The following ITPR1 variants were observed in gnomAD, a reference collection of about 807,000 sequenced individuals.
The protein encoded by ITPR1 is inositol 1,4,5-trisphosphate receptor type 1, also known as inositol 1,4,5-trisphosphate-gated calcium channel ITPR1.
ITPR1 carries 96 observed loss-of-function variants against 318.4 expected under a neutral mutation model. The observed-to-expected ratio is 0.30, with a 90% CI of 0.26 to 0.36. The LOEUF (loss-of-function observed/expected upper bound fraction) is 0.36, where lower values mean the gene tolerates loss of function less well. Ranked by LOEUF, ITPR1 falls within the 10% of genes least tolerant of loss-of-function variation. The pLI, the probability that ITPR1 is intolerant of heterozygous loss-of-function variation, is 1.00. For synonymous variants in ITPR1, 1,312 were observed against 1,289.9 expected (o/e 1.02, Z -0.37); for missense variants, 2,440 against 3,460.2 (o/e 0.71, Z 7.40).
intron 54 of ITPR1, among the ~76,000 whole-genome samples, chr3:4,805,840 T>C (rs151016143): frequency 9.8e-4 from 150 of 152,352 alleles, no homozygotes; most frequent in Non-Finnish European, 1.7e-3. Context: ...ATTTTGTTTT[T>C]GCCATAGAGA....
intron 49 of ITPR1, among the ~76,000 whole-genome samples, chr3:4,781,279 A>G (rs1430878874): frequency 6.6e-6 from 1 of 152,228 alleles, no homozygotes; most frequent in African/African-American, 2.4e-5. Flanking sequence ...AGAAATGCCC[A>G]CTGAATCTTC....
At chr3:4,743,446 T>C (rs2043849303) in intron 44 of ITPR1, among the ~76,000 whole-genome samples, 1 of 152,218 alleles carries the variant, frequency 6.6e-6, no homozygotes, top group Non-Finnish European at 1.5e-5. Context: ...CGGCAGACAG[T>C]AGGTAATGCA....
At chr3:4,638,457 C>T (rs1313225794) in intron 5 of ITPR1, among the ~76,000 whole-genome samples, 3 of 152,152 alleles carry the variant, frequency 2.0e-5, no homozygotes, top group Non-Finnish European at 4.4e-5. Context: ...GGTGGCCCTG[C>T]CAGACTATTC....
At chr3:4,837,058 G>T in intron 61 of ITPR1, 123 bp downstream of exon 61, 1 of 850,718 alleles carries the variant, frequency 1.2e-6, no homozygotes, top group Non-Finnish European at 1.7e-6. Flanking sequence ...AGGGAGCCAG[G>T]CAACAGGGGA....
At chr3:4,796,887 C>G (rs1354239113) in intron 53 of ITPR1, among the ~76,000 whole-genome samples, 1 of 152,152 alleles carries the variant, frequency 6.6e-6, no homozygotes, top group Non-Finnish European at 1.5e-5. Flanking sequence ...TCAGAAAATC[C>G]TGTAGAACCC....
chr3:4,676,912 A>G, intron 24 of ITPR1, 111 bp downstream of exon 24: 1 of 763,672 alleles, frequency 1.3e-6, no homozygotes, highest in Non-Finnish European at 2.1e-6. Flanking sequence ...AAATGGGGGC[A>G]AATCCTTAGC....
intron 16 of ITPR1, among the ~76,000 whole-genome samples, 200 bp from the exon 17 acceptor site, chr3:4,664,938 G>T (rs943959761): frequency 3.3e-5 from 5 of 152,216 alleles, no homozygotes; most frequent in African/African-American, 1.2e-4. Flanking sequence ...ATGAGGACCA[G>T]TGGAGTCCAG....
intron 4 of ITPR1, among the ~76,000 whole-genome samples, chr3:4,590,540 T>C (rs1036946226): frequency 2.7e-5 from 4 of 149,434 alleles, no homozygotes; most frequent in Non-Finnish European, 4.4e-5. Context: ...AATAATAATT[T>C]TTTAATTATA....
chr3:4,685,659 T>C (rs967333807), intron 30 of ITPR1, among the ~76,000 whole-genome samples: 2 of 152,228 alleles, frequency 1.3e-5, no homozygotes, highest in African/African-American at 4.8e-5. Flanking sequence ...GTATTTGGAT[T>C]TATCAGGTGA....
At chr3:4,614,333 A>G (rs1205040254) in intron 4 of ITPR1, among the ~76,000 whole-genome samples, 1 of 152,192 alleles carries the variant, frequency 6.6e-6, no homozygotes, top group Admixed American at 6.5e-5. Flanking sequence ...TTTTCATTGC[A>G]GTGTGGTCTT....
At chr3:4,529,827 A>G (rs999975289) in intron 4 of ITPR1, among the ~76,000 whole-genome samples, 1 of 152,192 alleles carries the variant, frequency 6.6e-6, no homozygotes, top group Non-Finnish European at 1.5e-5. Flanking sequence ...AATATACTTT[A>G]CATACACTCA....
rs538455941 is a variant in ITPR1 at position 4,638,523 on chromosome 3, T to G, written c.280-861T>G. On this transcript the variant is annotated intron_variant, in intron 5 of 61. Coordinates refer to ENST00000649015, the MANE Select transcript of ITPR1 (RefSeq NM_001378452.1). ...CCCCCCTAGCATGTCACATTTGGAA[T>G]GGTAACCTCTCCCAGTCTCATTTGT... Among the ~76,000 whole-genome samples, 3 of 152,346 alleles carry G rather than the reference T, an allele frequency of 2.0e-5. No individual in the cohort carries two copies. The South Asian group carries it at 6.2e-4, about 32-fold the overall frequency.
chr3:4,681,624 A>AGTATGTGTGTGTGTGTGT (rs373511110), intron 26 of ITPR1, among the ~76,000 whole-genome samples: 3,563 of 145,842 alleles, frequency 0.024, 58 homozygotes, highest in Middle Eastern at 0.032. Context: ...AGAGAGAGAA[A>AGTATGTGTGTGTGTGTGT]GTGTGTGTGT....
chr3:4,703,487 C>G (rs1290729650), intron 36 of ITPR1, among the ~76,000 whole-genome samples: 1 of 152,106 alleles, frequency 6.6e-6, no homozygotes, highest in Non-Finnish European at 1.5e-5. Context: ...ATTTCTTTTT[C>G]CTTCATCCTG....
At chr3:4,515,418 G>A (rs1356119827) in intron 2 of ITPR1, among the ~76,000 whole-genome samples, 1 of 152,166 alleles carries the variant, frequency 6.6e-6, no homozygotes, top group East Asian at 1.9e-4. Flanking sequence ...GGGGTGTAAA[G>A]GGGTCTGGGT....
intron 16 of ITPR1, among the ~76,000 whole-genome samples, chr3:4,663,900 C>T (rs1386280128): frequency 6.6e-6 from 1 of 152,162 alleles, no homozygotes; most frequent in African/African-American, 2.4e-5. Flanking sequence ...TGGAATCAAA[C>T]AGTATGTACC....
At chr3:4,636,540 T>C (rs1444835893) in intron 5 of ITPR1, among the ~76,000 whole-genome samples, 1 of 152,202 alleles carries the variant, frequency 6.6e-6, no homozygotes, top group East Asian at 1.9e-4. Flanking sequence ...GTGATTCTCC[T>C]GCCTCAGCCT....
intron 21 of ITPR1, 150 bp from the exon 22 acceptor site, chr3:4,674,052 T>A (rs2094139797): frequency 3.4e-6 from 2 of 585,526 alleles, no homozygotes; most frequent in South Asian, 4.8e-5. Flanking sequence ...AATATATAGT[T>A]GGTGATATAT....
chr3:4,549,063 G>A (rs905170693), intron 4 of ITPR1, among the ~76,000 whole-genome samples: 5 of 152,170 alleles, frequency 3.3e-5, no homozygotes, highest in African/African-American at 1.2e-4. Flanking sequence ...TGTCAAGTTA[G>A]CAGGAAAGAA....
Sources: gnomAD v4.1 joint callset for allele counts (sites outside exome capture counted in the v4.1 genomes callset) on GRCh38, gnomAD v4.1.1 for gene constraint, MANE v1.5 for transcripts, NCBI Gene and HGNC (gene_info 2026-07-23, HGNC 2026-07-21) for gene names.